The following NSMCE2 variants were observed in gnomAD, a reference collection of about 807,000 sequenced individuals.
NSMCE2 encodes the protein E3 SUMO-protein ligase NSE2.
Under a neutral mutation model 23.8 loss-of-function variants are expected in NSMCE2, and 24 were observed. The ratio of observed to expected loss-of-function variants is 1.01; its 90% CI spans 0.73 to 1.42. The LOEUF (loss-of-function observed/expected upper bound fraction) is 1.42, where lower values mean the gene tolerates loss of function less well. Among genes scored for constraint, NSMCE2 ranks in the 40% most tolerant of loss-of-function variants. The pLI is 0.00. For synonymous variants in NSMCE2, 92 were observed against 94.1 expected (o/e 0.98, Z 0.13); for missense variants, 284 against 296.5 (o/e 0.96, Z 0.31).
At chr8:125,294,947 T>C (rs1316926252) in intron 5 of NSMCE2, among the ~76,000 whole-genome samples, 1 of 152,196 alleles carries the variant, frequency 6.6e-6, no homozygotes. Context: ...CAGTCAAGAT[T>C]AGTGGTGGTT....
intron 5 of NSMCE2, among the ~76,000 whole-genome samples, chr8:125,325,473 C>T (rs1829629946): frequency 6.6e-6 from 1 of 152,098 alleles, no homozygotes; most frequent in African/African-American, 2.4e-5. Flanking sequence ...CTTCAGCCTC[C>T]TAAGAAGCTG....
chr8:125,231,949 T>A (rs1218560660), intron 5 of NSMCE2, among the ~76,000 whole-genome samples: 1 of 152,228 alleles, frequency 6.6e-6, no homozygotes, highest in East Asian at 1.9e-4. Flanking sequence ...ATAAATAAAT[T>A]AATTAATGAA....
intron 3 of NSMCE2, among the ~76,000 whole-genome samples, chr8:125,106,639 C>T (rs34694976): frequency 0.074 from 11,198 of 151,126 alleles, 494 homozygotes; most frequent in South Asian, 0.15. Flanking sequence ...GAGCAGAGAT[C>T]AGGCCACTGC....
At chr8:125,276,878 C>T (rs1013081270) in intron 5 of NSMCE2, among the ~76,000 whole-genome samples, 4 of 152,126 alleles carry the variant, frequency 2.6e-5, no homozygotes, top group African/African-American at 4.8e-5. Flanking sequence ...TTTTATTATT[C>T]CCCCACCTTG....
intron 5 of NSMCE2, among the ~76,000 whole-genome samples, chr8:125,254,755 G>A (rs1826337092): frequency 1.3e-5 from 2 of 151,976 alleles, no homozygotes; most frequent in Admixed American, 1.3e-4. Context: ...AACCTCCTTG[G>A]TGCAAATGAC....
chr8:125,353,449 C>G (rs1813121466), intron 5 of NSMCE2, among the ~76,000 whole-genome samples: 1 of 152,104 alleles, frequency 6.6e-6, no homozygotes, highest in African/African-American at 2.4e-5. Flanking sequence ...TAAAGGGACT[C>G]TCTTAGGAGT....
chr8:125,178,494 T>C (rs1822603089), intron 4 of NSMCE2, among the ~76,000 whole-genome samples: 1 of 152,244 alleles, frequency 6.6e-6, no homozygotes, highest in Non-Finnish European at 1.5e-5. Flanking sequence ...TGTATTGTGT[T>C]TCTCTTAAAT....
chr8:125,303,628 T>A (rs1342082451), intron 5 of NSMCE2, among the ~76,000 whole-genome samples: 2 of 152,152 alleles, frequency 1.3e-5, no homozygotes, highest in African/African-American at 4.8e-5. Context: ...TACAGTGCAC[T>A]GTAAGTACTG....
intron 3 of NSMCE2, among the ~76,000 whole-genome samples, chr8:125,103,780 C>T (rs1339902361): frequency 6.6e-6 from 1 of 152,036 alleles, no homozygotes; most frequent in Non-Finnish European, 1.5e-5. Context: ...TTAAAAATTT[C>T]AGTTACTGTA....
At chr8:125,341,379 CTT>C (rs1830237778) in intron 5 of NSMCE2, among the ~76,000 whole-genome samples, 1 of 152,124 alleles carries the variant, frequency 6.6e-6, no homozygotes, top group Admixed American at 6.5e-5. Context: ...TTTCTTCTCT[CTT>C]TTTCTCCTTT....
chr8:125,245,992 C>T (rs1199327984), intron 5 of NSMCE2, among the ~76,000 whole-genome samples: 1 of 151,830 alleles, frequency 6.6e-6, no homozygotes, highest in Non-Finnish European at 1.5e-5. Context: ...CCACTGCACT[C>T]CAGCCTGGGC....
At chr8:125,151,461 C>A in intron 4 of NSMCE2, 184 bp downstream of exon 4, 1 of 411,306 alleles carries the variant, frequency 2.4e-6, no homozygotes, top group Non-Finnish European at 4.3e-6. Flanking sequence ...CCTGGCTAGG[C>A]CACTTAGGTT....
intron 5 of NSMCE2, among the ~76,000 whole-genome samples, chr8:125,343,499 C>T (rs771976724): frequency 6.6e-6 from 1 of 152,084 alleles, no homozygotes; most frequent in Non-Finnish European, 1.5e-5. Context: ...ATTAGCCAGG[C>T]GTGTTGGCAC....
Position 125,152,135 on chromosome 8 carries a change from A to G in NSMCE2, c.264+858A>G, listed in dbSNP as rs542285669. Among the ~76,000 whole-genome samples the G allele has an allele frequency of 5.0e-4, 76 of 152,334 alleles. 1 individual carries two copies. The highest frequency in any genetic ancestry group is 1.8e-3 in the African/African-American group (74 of 41,586). Reference sequence around the variant, plus strand: ...ATATAGTTAGAGTAAGCTTTTTTTAATGGTTAGTATTTAACTATAGTATTT... The same window carrying G: ...ATATAGTTAGAGTAAGCTTTTTTTAGTGGTTAGTATTTAACTATAGTATTT... On this transcript the variant is annotated intron_variant, in intron 4 of 7. Transcript: ENST00000287437.
At chr8:125,341,577 G>GT (rs377739935) in intron 5 of NSMCE2, among the ~76,000 whole-genome samples, 217 of 149,454 alleles carry the variant, frequency 1.5e-3, no homozygotes, top group African/African-American at 4.2e-3. Flanking sequence ...TCATCTGTTA[G>GT]TTTTTTTTTT....
chr8:125,236,436 G>A (rs981813934), intron 5 of NSMCE2, among the ~76,000 whole-genome samples: 1 of 152,008 alleles, frequency 6.6e-6, no homozygotes, highest in East Asian at 1.9e-4. Flanking sequence ...TGTGTGTTAT[G>A]TAAATAGGGG....
chr8:125,152,781 G>A (rs1176699932), intron 4 of NSMCE2, among the ~76,000 whole-genome samples: 2 of 152,102 alleles, frequency 1.3e-5, no homozygotes, highest in Non-Finnish European at 2.9e-5. Context: ...CTCTTGGCTG[G>A]GCGCGGTAGC....
At chr8:125,226,099 A>G (rs1825078839) in intron 5 of NSMCE2, among the ~76,000 whole-genome samples, 1 of 152,198 alleles carries the variant, frequency 6.6e-6, no homozygotes, top group Non-Finnish European at 1.5e-5. Flanking sequence ...TTTCTTCACA[A>G]AAACCCCAGT....
intron 3 of NSMCE2, among the ~76,000 whole-genome samples, chr8:125,132,547 C>T (rs567738262): frequency 6.6e-6 from 1 of 151,776 alleles, no homozygotes; most frequent in African/African-American, 2.4e-5. Context: ...GGCTGGAGTA[C>T]ACTAGTGCAG....
Sources: gnomAD v4.1 joint callset for allele counts (sites outside exome capture counted in the v4.1 genomes callset) on GRCh38, gnomAD v4.1.1 for gene constraint, MANE v1.5 for transcripts, NCBI Gene and HGNC (gene_info 2026-07-23, HGNC 2026-07-21) for gene names.